Variants in NPR2 observed in about 807,000 individuals in gnomAD.
The protein encoded by NPR2 is atrial natriuretic peptide receptor 2.
In NPR2, 49 loss-of-function variants were observed where a neutral mutation model predicts 120.7. The ratio of observed to expected loss-of-function variants is 0.41; its 90% confidence interval spans 0.32 to 0.52. The LOEUF is 0.52. Ranked by LOEUF, NPR2 falls within the 20% of genes least tolerant of loss-of-function variation. The pLI is 0.36. For synonymous variants in NPR2, 484 were observed against 519.8 expected (o/e 0.93, Z 0.94); for missense variants, 931 against 1,362.9 (o/e 0.68, Z 4.99).
rs1827866580 is a variant in NPR2 at position 35,793,940 on chromosome 9, TGCTTCAG to T, written c.713_719del (p.Leu238ProfsTer6). 1 of 1,614,184 alleles carries T rather than the reference TGCTTCAG, an allele frequency of 6.2e-7. No homozygotes were observed. Among genetic ancestry groups the T allele is most frequent in the Non-Finnish European group, 8.5e-7 (1 of 1,180,024 alleles). The stretch of plus-strand genomic sequence containing the variant: ...CCTCTGGAGATGCTGCATGAGATCC[TGCTTCAG>T]GCCCAGAGGGAGAATCTGACCAATG... On this transcript the variant is annotated frameshift_variant, in exon 2 of 22. Coordinates refer to ENST00000342694, the MANE Select transcript of NPR2 (RefSeq NM_003995.4). LOFTEE classifies it high-confidence loss of function.
Position 35,805,681 on chromosome 9 carries a change from C to G in NPR2, c.2047+11C>G. ...ATGCCCTCTATGCCAGTGAGGCCCA[C>G]CCCCACAACCCACTTTTTATATTGC... On this transcript the variant is annotated intron_variant, in intron 13 of 21. Coordinates refer to ENST00000342694, the MANE Select transcript of NPR2 (RefSeq NM_003995.4). The surrounding 1 kb of genome is among the most constrained non-coding windows in gnomAD (Gnocchi z 4.9). 6.2e-7 allele frequency: 1 copy of G among 1,613,690 alleles called. No homozygotes were observed. Among genetic ancestry groups the G allele is most frequent in the South Asian group, 1.1e-5 (1 of 91,066 alleles).
At position 35,809,366 on chromosome 9, in the gene NPR2, T is replaced by C; in HGVS notation, c.3079-14T>C. On this transcript the variant is annotated splice_polypyrimidine_tract_variant and intron_variant, in intron 21 of 21. Transcript: ENST00000342694. The surrounding 1 kb of genome is among the most constrained non-coding windows in gnomAD (Gnocchi z 4.1). ...ATCGAAGCATCTGAATCATGTCCAC[T>C]CTCCCACTTCCAGGGAAAAGGAAAG... 6.2e-7 allele frequency: 1 copy of C among 1,613,970 alleles called. No individual in the cohort carries two copies. Among genetic ancestry groups the C allele is most frequent in the Non-Finnish European group, 8.5e-7 (1 of 1,179,960 alleles).
intron 7 of NPR2, 125 bp from the exon 8 acceptor site, chr9:35,801,518 G>C (rs1191963343): frequency 2.0e-6 from 2 of 1,004,352 alleles, no homozygotes; most frequent in Non-Finnish European, 1.6e-6. Context: ...TTATCTTCCA[G>C]CCCTGTCTCT....
chr9:35,799,853 C>A, intron 3 of NPR2, 122 bp downstream of exon 3: 1 of 1,382,284 alleles, frequency 7.2e-7, no homozygotes, highest in Non-Finnish European at 1.0e-6. Context: ...CCGCTTCTGT[C>A]CAGGATTTTT....
At chr9:35,807,447 G>T in intron 18 of NPR2, 49 bp downstream of exon 18, 1 of 1,430,226 alleles carries the variant, frequency 7.0e-7, no homozygotes, top group Non-Finnish European at 9.9e-7. Context: ...ATAGAGACCC[G>T]CTTTGAAACT....
At chr9:35,799,762 G>A (rs369580863) in intron 3 of NPR2, 31 bp downstream of exon 3, 140 of 1,577,222 alleles carry the variant, frequency 8.9e-5, no homozygotes, top group Non-Finnish European at 1.1e-4. Context: ...CTGAGAGTCA[G>A]GTCAAGCTTT....
In NPR2 at chr9:35,803,294, C is replaced by CG. The variant is rs1188856284; in HGVS notation, c.1887+495dup. 2.0e-5 allele frequency among the ~76,000 whole-genome samples: 2 copies of CG among 102,240 alleles called. 1 individual carries two copies. Among genetic ancestry groups the CG allele is most frequent in the Admixed American group, 1.9e-4 (2 of 10,662 alleles). The allele number at this position is 102,240 out of a possible 152,430, so 67.1% of individuals were successfully genotyped here. ...AATTTTTTTGTATTTTTAGTAGAGA[C>CG]GGGGTTTCACCGTTTTAGCCGGGAT... On this transcript the variant is annotated intron_variant, in intron 12 of 21. Coordinates refer to ENST00000342694, the MANE Select transcript of NPR2 (RefSeq NM_003995.4).
rs1386282523 is a variant in NPR2, at chr9:35,805,210, T to C, written c.1888-301T>C. The stretch of plus-strand genomic sequence containing the variant: ...ACCCAAGTTCTGTTCTCTTCACTAA[T>C]CAAGAAGATTGACTGCCCTCTCCAG... On this transcript the variant is annotated intron_variant, in intron 12 of 21. Coordinates refer to ENST00000342694, the MANE Select transcript of NPR2 (RefSeq NM_003995.4). The surrounding 1 kb of genome is among the most constrained non-coding windows in gnomAD (Gnocchi z 4.9). Among the ~76,000 whole-genome samples the C allele has an allele frequency of 3.3e-5, 5 of 152,318 alleles. No individual in the cohort carries two copies. The South Asian group carries it at 8.3e-4, about 25-fold the overall frequency.
rs766447843 is a variant in NPR2, at chr9:35,808,125, T to C, written c.2713-384T>C. 7.2e-7 allele frequency: 1 copy of C among 1,388,272 alleles called. No individual in the cohort carries two copies. 86.0% of individuals were successfully genotyped at this position (1,388,272 alleles called of 1,614,324 possible). A position where few individuals can be genotyped will look rare whatever the true frequency, so the allele number is the denominator to read the frequency against. On this transcript the variant is annotated intron_variant, in intron 18 of 21. Coordinates refer to ENST00000342694, the MANE Select transcript of NPR2 (RefSeq NM_003995.4). This position sits in a 1 kb window ranked among gnomAD's most constrained non-coding sequence, Gnocchi z 4.0. The stretch of plus-strand genomic sequence containing the variant: ...ATCAAATGCCTGCTTTCCTCCTCTC[T>C]GACAGTTTGGGCTGTCAGGTCCATT...
Position 35,806,053 on chromosome 9 carries a change from G to C in NPR2, c.2204-12G>C, listed in dbSNP as rs777554166. 10 of 1,613,926 alleles carry C rather than the reference G, an allele frequency of 6.2e-6. No individual in the cohort carries two copies. The highest frequency in any genetic ancestry group is 7.6e-6 in the Non-Finnish European group (9 of 1,180,030). The stretch of plus-strand genomic sequence containing the variant: ...AACTCTGTTCTTCATCCAAACCTTT[G>C]ATCACCCTCAGAGATTGTCCAGAAG... On this transcript the variant is annotated splice_polypyrimidine_tract_variant and intron_variant, in intron 14 of 21. Transcript: ENST00000342694. This position sits in a 1 kb window ranked among gnomAD's most constrained non-coding sequence, Gnocchi z 4.6.
In NPR2 at chr9:35,792,171, T is replaced by TCTCAGTC. The variant is rs1404767602; in HGVS notation, c.-228_-222dup. 7.8e-6 allele frequency: 4 copies of TCTCAGTC among 511,712 alleles called. No individual in the cohort carries two copies. The African/African-American group carries it at 8.1e-5, about 10-fold the overall frequency. The allele number at this position is 511,712 out of a possible 1,614,324, so 31.7% of individuals were successfully genotyped here. A position where few individuals can be genotyped will look rare whatever the true frequency, so the allele number is the denominator to read the frequency against. On this transcript the variant is annotated 5_prime_UTR_variant, in exon 1 of 22. An upstream open reading frame in the 5' UTR gains an earlier in-frame stop. Transcript: ENST00000342694. ...TCCCTCCCTCCCCCTGCCACCCCGT[T>TCTCAGTC]CTCAGTCCTCAGTCCTTGCCCTAGG... is the stretch of plus-strand genomic sequence containing the variant.
intron 2 of NPR2, among the ~76,000 whole-genome samples, chr9:35,795,673 GC>G (rs1827925056): frequency 6.6e-6 from 1 of 152,174 alleles, no homozygotes; most frequent in Non-Finnish European, 1.5e-5. Flanking sequence ...TTTTGTTTAT[GC>G]CATAATGTTT....
Position 35,808,624 on chromosome 9 carries a change from C to G in NPR2, c.2828C>G (p.Ser943Cys), listed in dbSNP as rs1316488724. The change falls in exon 19 of 22, where the codon TCC becomes TGC. Residue 943 changes from serine (S) to cysteine (C), a missense_variant. Around this residue, in one of 3 missense-constraint regions of NPR2, gnomAD observed 184 missense variants for 328.3 expected, o/e 0.56. Coordinates refer to ENST00000342694, the MANE Select transcript of NPR2 (RefSeq NM_003995.4). This position sits in a 1 kb window ranked among gnomAD's most constrained non-coding sequence, Gnocchi z 4.0. ...MALALLDAVSSFRIRHRPHDQ... is the reference protein window; with the variant it reads ...MALALLDAVSCFRIRHRPHDQ... ...CTAGCATTACTAGATGCAGTTTCTT[C>G]CTTTCGCATCCGCCACCGACCCCAT... 6.2e-7 allele frequency: 1 copy of G among 1,614,056 alleles called. No individual in the cohort carries two copies. Among genetic ancestry groups the G allele is most frequent in the Non-Finnish European group, 8.5e-7 (1 of 1,180,004 alleles).
At chr9:35,807,657 A>G (rs550662999) in intron 18 of NPR2, among the ~76,000 whole-genome samples, 19 of 152,226 alleles carry the variant, frequency 1.2e-4, no homozygotes, top group Non-Finnish European at 2.6e-4. Flanking sequence ...ATCTTCCTGG[A>G]GTATAAATAC....
rs750938429 is a variant in NPR2 at position 35,805,989 on chromosome 9, A to G, written c.2203+4A>G. 5 of 1,614,060 alleles carry G rather than the reference A, an allele frequency of 3.1e-6. No individual in the cohort carries two copies. Among genetic ancestry groups the G allele is most frequent in the South Asian group, 1.1e-5 (1 of 91,088 alleles). ...GGCCTGGACCTCAGCCCCAAAGGTA[A>G]GAGTCAATCCACTACCCACAGCCTC... On this transcript the variant is annotated splice_donor_region_variant and intron_variant, in intron 14 of 21. Coordinates refer to ENST00000342694, the MANE Select transcript of NPR2 (RefSeq NM_003995.4). This position sits in a 1 kb window ranked among gnomAD's most constrained non-coding sequence, Gnocchi z 4.9.
chr9:35,793,034 G>T lies in NPR2; in HGVS notation c.626G>T (p.Gly209Val), dbSNP rs114783400. ...CAGGTGTATGCCCGAGAGCCAGGGG[G>T]CCCCGAGCAGGCCACCCACTTCATC... Reference protein sequence around the residue: ...QHQVYAREPGGPEQATHFIRA... With the variant: ...QHQVYAREPGVPEQATHFIRA... Residue 209 changes from glycine to valine, a missense_variant, in exon 1 of 22, where the codon GGC becomes GTC. By Grantham distance (109) the Gly-to-Val change is moderately radical. This residue lies in a region of NPR2 where 681 missense variants were observed against 974.3 expected (regional missense o/e 0.70). Transcript: ENST00000342694. 7 of 1,606,532 alleles carry T rather than the reference G, an allele frequency of 4.4e-6. No homozygotes were observed. The highest frequency in any genetic ancestry group is 4.2e-6 in the Non-Finnish European group (5 of 1,176,502).
chr9:35,800,642 C>G lies in NPR2; in HGVS notation c.1219-67C>G. The G allele has an allele frequency of 3.1e-6, 5 of 1,612,810 alleles. No individual in the cohort carries two copies. Among genetic ancestry groups the G allele is most frequent in the Non-Finnish European group, 4.2e-6 (5 of 1,179,276 alleles). On this transcript the variant is annotated intron_variant, in intron 5 of 21. Coordinates refer to ENST00000342694, the MANE Select transcript of NPR2 (RefSeq NM_003995.4). This position sits in a 1 kb window ranked among gnomAD's most constrained non-coding sequence, Gnocchi z 4.7. ...TAGGCTGGGGAGAAAAGCAGCGAAACAGCTGGGGTCTGGGGAGGAGGCTGG... is the reference window on the plus strand; with the variant it reads ...TAGGCTGGGGAGAAAAGCAGCGAAAGAGCTGGGGTCTGGGGAGGAGGCTGG...
intron 12 of NPR2, among the ~76,000 whole-genome samples, chr9:35,803,616 A>T (rs1489598586): frequency 1.3e-5 from 2 of 152,224 alleles, no homozygotes; most frequent in Non-Finnish European, 2.9e-5. Context: ...CTCTTCTGTT[A>T]TACTAGGTTT....
chr9:35,801,754 A>G lies in NPR2; in HGVS notation c.1548A>G (p.Thr516=), dbSNP rs748922729. The G allele has an allele frequency of 1.2e-6, 2 of 1,614,200 alleles. No individual in the cohort carries two copies. The highest frequency in any genetic ancestry group is 1.7e-6 in the Non-Finnish European group (2 of 1,180,032). The change falls in exon 8 of 22, where the codon ACA becomes ACG. Residue 516 remains threonine (T), a synonymous_variant. Coordinates refer to ENST00000342694, the MANE Select transcript of NPR2 (RefSeq NM_003995.4). ...RYHKGAGSRL[T]LSLRGSSYGS... is the part of the protein sequence containing the mutation. ...ACAAAGGTGCAGGCAGTCGCCTCAC[A>G]CTGTCGCTGGTGAGCCCTTGTCTCA...
Sources: allele counts gnomAD v4.1 joint callset (sites outside exome capture counted in the v4.1 genomes callset), GRCh38; gene constraint gnomAD v4.1.1; regional missense constraint gnomAD v4.1.1; non-coding constraint Gnocchi (gnomAD v3.1); transcripts MANE v1.5; gene names NCBI Gene and HGNC (gene_info 2026-07-23, HGNC 2026-07-21).